The following GALK1 variants were observed in gnomAD, a reference collection of about 807,000 sequenced individuals.
GALK1 encodes galactokinase 1, also known as galactokinase.
In GALK1, 30 loss-of-function variants were observed where a neutral mutation model predicts 38.6. That is an observed-to-expected ratio of 0.78 (90% CI 0.58 to 1.05). The LOEUF is 1.05. Ranked by LOEUF, GALK1 falls within the 50% of genes least tolerant of loss-of-function variation. The pLI, the probability that GALK1 is intolerant of heterozygous loss-of-function variation, is 0.00. For missense variants in GALK1, 512 were observed against 540.5 expected, an observed-to-expected ratio of 0.95 and a Z score of 0.52; for synonymous variants, 240 against 233.6, an observed-to-expected ratio of 1.03 and a Z score of -0.25.
At chr17:75,760,729 T>C (rs941591680) in intron 5 of GALK1, among the ~76,000 whole-genome samples, 5 of 151,498 alleles carry the variant, frequency 3.3e-5, no homozygotes, top group Admixed American at 3.3e-4. Flanking sequence ...TGAGCCGAGA[T>C]CACGCCACTG....
intron 5 of GALK1, among the ~76,000 whole-genome samples, chr17:75,761,020 G>A (rs563532153): frequency 2.0e-5 from 3 of 152,036 alleles, no homozygotes; most frequent in Non-Finnish European, 2.9e-5. Flanking sequence ...CGACCAACAT[G>A]GTAAAACCTC....
intron 5 of GALK1, among the ~76,000 whole-genome samples, chr17:75,759,637 G>A (rs1167781538): frequency 1.3e-5 from 2 of 152,122 alleles, no homozygotes; most frequent in African/African-American, 4.8e-5. Flanking sequence ...ACCTGGAGGA[G>A]GGGCAAGGAC....
At chr17:75,761,751 C>T (rs1248402161) in intron 5 of GALK1, among the ~76,000 whole-genome samples, 11 of 150,068 alleles carry the variant, frequency 7.3e-5, no homozygotes, top group South Asian at 6.3e-4. Context: ...GGCACTATGG[C>T]TCACGCCTGT....
At chr17:75,763,815 TCA>T in intron 2 of GALK1, 80 bp downstream of exon 2, 2 of 1,290,512 alleles carry the variant, frequency 1.5e-6, no homozygotes, top group South Asian at 2.5e-5. Flanking sequence ...CCACAGTGTA[TCA>T]GACAAATGAA....
chr17:75,752,585 G>A (rs2061393945), intron 8 of GALK1: 2 of 1,613,430 alleles, frequency 1.2e-6, no homozygotes, highest in Non-Finnish European at 1.7e-6. Flanking sequence ...CTGGTGAGTG[G>A]AGACCTGGGA....
downstream of GALK1, chr17:75,757,846 C>T: frequency 1.5e-6 from 1 of 675,918 alleles, no homozygotes; most frequent in Non-Finnish European, 2.5e-6. Context: ...TCTTCTGGGG[C>T]CTGAGAGGTG....
At chr17:75,758,175 C>T (rs774296016) in intron 7 of GALK1, 35 bp downstream of exon 7, 25 of 1,609,862 alleles carry the variant, frequency 1.6e-5, no homozygotes, top group East Asian at 1.3e-4. Context: ...GGGAAGCTGC[C>T]GCTCCTGCCC....
chr17:75,756,733 G>A, downstream of GALK1: 2 of 1,613,206 alleles, frequency 1.2e-6, no homozygotes, highest in Non-Finnish European at 1.7e-6. Flanking sequence ...CACTCCCAGT[G>A]CCCCAGGCCC....
At position 75,765,032 on chromosome 17, in the gene GALK1, C is replaced by G. The variant is rs373829335; in HGVS notation, c.105G>C (p.Pro35=). 4 of 1,609,666 alleles carry G rather than the reference C, an allele frequency of 2.5e-6. No individual in the cohort carries two copies. The African/African-American group carries it at 5.3e-5, about 22-fold the overall frequency. Residue 35 remains proline (P), a synonymous_variant, in exon 1 of 8, where the codon CCG becomes CCC. Transcript: ENST00000588479. ...GTTCCCCGATGAGGTTGACGCGGCC[C>G]GGCGCTGACACGGCCAGCTCGGGCT... is the stretch of plus-strand genomic sequence containing the variant. ...GAEPELAVSA[P]GRVNLIGEHT... is the part of the protein sequence containing the mutation.
chr17:75,763,184 G>T, intron 3 of GALK1, 35 bp from the exon 4 acceptor site: 2 of 1,610,180 alleles, frequency 1.2e-6, no homozygotes, highest in Non-Finnish European at 1.7e-6. Context: ...GGCTAGGGCT[G>T]GTGGAAGCAG....
rs2061376547 is a variant in GALK1 at position 75,751,982 on chromosome 17, G to A, written c.*23-245C>T. 15 of 721,308 alleles carry A rather than the reference G, an allele frequency of 2.1e-5. 1 individual carries two copies. The South Asian group carries it at 2.2e-4, about 11-fold the overall frequency. The allele number at this position is 721,308 out of a possible 1,614,324, so 44.7% of individuals were successfully genotyped here. A position where few individuals can be genotyped will look rare whatever the true frequency, so the allele number is the denominator to read the frequency against. ...CAGCAGAGTCCCTTGGAGGACTGGTGACATATGTCCACGCCAGTCATGCTG... is the reference window on the plus strand; with the variant it reads ...CAGCAGAGTCCCTTGGAGGACTGGTAACATATGTCCACGCCAGTCATGCTG... On this transcript the variant is annotated intron_variant, in intron 8 of 8. Coordinates refer to the GALK1 transcript ENST00000225614.
chr17:75,765,013 C>G lies in GALK1; in HGVS notation c.124G>C (p.Gly42Arg). The change falls in exon 1 of 8, where the codon GGG (glycine) becomes CGG (arginine). Residue 42 changes from glycine to arginine, a missense_variant. By Grantham distance (125) the Gly-to-Arg change is moderately radical. Coordinates refer to ENST00000588479, the MANE Select transcript of GALK1 (RefSeq NM_000154.2). ...VSAPGRVNLI[G>R]EHTDYNQGLV... ...CCCTGGTTGTAGTCCGTGTGTTCCC[C>G]GATGAGGTTGACGCGGCCCGGCGCT... The G allele has an allele frequency of 6.2e-7, 1 of 1,610,876 alleles. No individual in the cohort carries two copies. Among genetic ancestry groups the G allele is most frequent in the Non-Finnish European group, 8.5e-7 (1 of 1,178,912 alleles).
At position 75,763,976 on chromosome 17, in the gene GALK1, C is replaced by T. The variant is rs1402420072; in HGVS notation, c.276G>A (p.Leu92=). The T allele has an allele frequency of 6.2e-7, 1 of 1,612,854 alleles. No homozygotes were observed. The highest frequency in any genetic ancestry group is 1.7e-5 in the Admixed American group (1 of 59,980). The change falls in exon 2 of 8, where the codon CTG becomes CTA. Residue 92 remains leucine (L), a synonymous_variant. Coordinates refer to ENST00000588479, the MANE Select transcript of GALK1 (RefSeq NM_000154.2). ...GCTCCAGCGAGCGCTGGGCTGTGGG[C>T]AGTGGAAACTGCAGCCGCTGGGGCT... ...ADEPQRLQFP[L]PTAQRSLEPG... is the part of the protein sequence containing the mutation.
rs112611253 is a variant in GALK1, at chr17:75,758,185, C to T, written c.1107+25G>A. 2.2e-5 allele frequency: 35 copies of T among 1,609,252 alleles called. 1 individual carries two copies. Among genetic ancestry groups the T allele is most frequent in the Middle Eastern group, 1.7e-4 (1 of 6,042 alleles). ...GCCCCGGGAAGCTGCCGCTCCTGCCCGCCCAGGCCCTGGTGCCCGCCCACC... is the reference window on the plus strand; with the variant it reads ...GCCCCGGGAAGCTGCCGCTCCTGCCTGCCCAGGCCCTGGTGCCCGCCCACC... On this transcript the variant is annotated intron_variant, in intron 7 of 7. Transcript: ENST00000588479.
At chr17:75,756,962 G>T, downstream of GALK1, 1 of 1,612,732 alleles carries the variant, frequency 6.2e-7, no homozygotes, top group Non-Finnish European at 8.5e-7. Context: ...CCGCATTCCG[G>T]GTGGATGGAG....
chr17:75,757,834 A>G (rs954124595), downstream of GALK1: 17 of 666,760 alleles, frequency 2.5e-5, no homozygotes, highest in South Asian at 2.2e-4. Flanking sequence ...TGCCTTGCCC[A>G]TTCTTCTGGG....
downstream of GALK1, chr17:75,751,507 T>C (rs2061366436): frequency 3.4e-6 from 1 of 291,790 alleles, no homozygotes; most frequent in Non-Finnish European, 6.7e-6. Flanking sequence ...ATTTTGTACA[T>C]TGAGAGGCCG....
chr17:75,756,720 G>A (rs1237349814), downstream of GALK1: 14 of 1,613,256 alleles, frequency 8.7e-6, no homozygotes, highest in Non-Finnish European at 1.2e-5. Context: ...CCTTCACTTT[G>A]AGCACTCCCA....
chr17:75,762,926 G>A (rs780743873), intron 4 of GALK1, 41 bp from the exon 5 acceptor site: 17 of 1,605,532 alleles, frequency 1.1e-5, no homozygotes, highest in African/African-American at 4.1e-5. Flanking sequence ...GAGGCCAAGC[G>A]TGTGCTTGCT....
Sources: allele counts gnomAD v4.1 joint callset (sites outside exome capture counted in the v4.1 genomes callset), GRCh38; gene constraint gnomAD v4.1.1; transcripts MANE v1.5; gene names NCBI Gene and HGNC (gene_info 2026-07-23, HGNC 2026-07-21).